The following FSTL4 variants were observed in gnomAD, a reference collection of about 807,000 sequenced individuals.
FSTL4 encodes the protein follistatin like 4.
In FSTL4, 28 loss-of-function variants were observed where a neutral mutation model predicts 78.2. The ratio of observed to expected loss-of-function variants is 0.36; its 90% CI spans 0.27 to 0.49. The LOEUF (loss-of-function observed/expected upper bound fraction) is 0.49. Ranked by LOEUF, FSTL4 falls within the 20% of genes least tolerant of loss-of-function variation. The pLI is 0.98. For missense variants in FSTL4, 922 were observed against 1,084.9 expected (o/e 0.85, Z 2.11); for synonymous variants, 422 against 440.5 (o/e 0.96, Z 0.53).
chr5:133,315,409 T>C (rs1005657247), intron 5 of FSTL4, among the ~76,000 whole-genome samples: 2 of 152,212 alleles, frequency 1.3e-5, no homozygotes, highest in Non-Finnish European at 1.5e-5. Flanking sequence ...TTATTAATCA[T>C]AGGTCAAGGG....
chr5:133,236,441 C>A lies in FSTL4; in HGVS notation c.895-2904G>T, dbSNP rs1240221336. Among the ~76,000 whole-genome samples the A allele has an allele frequency of 6.6e-6, 1 of 152,110 alleles. No individual in the cohort carries two copies. Among genetic ancestry groups the A allele is most frequent in the African/African-American group, 2.4e-5 (1 of 41,434 alleles). On this transcript the variant is annotated intron_variant, in intron 7 of 15. Coordinates refer to ENST00000265342, the MANE Select transcript of FSTL4 (RefSeq NM_015082.2). This position sits in a 1 kb window ranked among gnomAD's most constrained non-coding sequence, Gnocchi z 5.0. Reference sequence around the variant, plus strand: ...CAGGAAAAAAAAAACCCTGAAAACCCCAATCCAGAAAACAAAACAAAAGCC... The same window carrying A: ...CAGGAAAAAAAAAACCCTGAAAACCACAATCCAGAAAACAAAACAAAAGCC...
At chr5:133,704,791 G>GTT in the FSTL4 span, among the ~76,000 whole-genome samples, 3,717 of 152,326 alleles carry the variant, frequency 0.024, 154 homozygotes, top group African/African-American at 0.086. Flanking sequence ...TCTGCCAGCA[G>GTT]TAACCTCTGC....
At position 133,224,535 on chromosome 5, in the gene FSTL4, C is replaced by G. The variant is rs1751264009; in HGVS notation, c.1313-319G>C. On this transcript the variant is annotated intron_variant, in intron 10 of 15. Coordinates refer to ENST00000265342, the MANE Select transcript of FSTL4 (RefSeq NM_015082.2). ...GTAAGCAACATCTCTCCCAGATTTC[C>G]TGGACAACCAGCAGGAGAAGTGACT... is the stretch of plus-strand genomic sequence containing the variant. 3 of 251,028 alleles carry G rather than the reference C, an allele frequency of 1.2e-5. No homozygotes were observed. In the South Asian group the frequency reaches 3.5e-4, roughly 29 times the overall value. 15.6% of individuals were successfully genotyped at this position (251,028 alleles called of 1,614,324 possible). A position where few individuals can be genotyped will look rare whatever the true frequency, so the allele number is the denominator to read the frequency against.
the FSTL4 span, among the ~76,000 whole-genome samples, chr5:133,775,071 T>C: frequency 2.0e-5 from 3 of 152,212 alleles, no homozygotes; most frequent in African/African-American, 7.2e-5. Flanking sequence ...AGGAAACATA[T>C]ACCTTGCAGT....
At chr5:133,281,318 T>TA (rs1022850976) in intron 6 of FSTL4, among the ~76,000 whole-genome samples, 4 of 152,192 alleles carry the variant, frequency 2.6e-5, no homozygotes, top group African/African-American at 9.7e-5. Context: ...ACCCTTTTCC[T>TA]AGGAAAATAT....
the FSTL4 span, among the ~76,000 whole-genome samples, chr5:133,693,033 T>A: frequency 6.6e-6 from 1 of 152,244 alleles, no homozygotes; most frequent in Non-Finnish European, 1.5e-5. Flanking sequence ...CAACAGTGCC[T>A]GGCACAGAGT....
intron 3 of FSTL4, among the ~76,000 whole-genome samples, chr5:133,434,658 GT>G (rs1200492507): frequency 5.3e-5 from 8 of 152,096 alleles, no homozygotes; most frequent in Non-Finnish European, 1.2e-4. Context: ...TCAAAAGCAT[GT>G]TTAAAAAGAG....
chr5:133,320,511 AAAG>A (rs1359947164), intron 4 of FSTL4, among the ~76,000 whole-genome samples: 2 of 152,210 alleles, frequency 1.3e-5, no homozygotes, highest in Admixed American at 1.3e-4. Flanking sequence ...AAATAAAAAT[AAAG>A]AAAAAGAAAA....
chr5:133,457,648 C>T (rs1308573368), intron 3 of FSTL4, among the ~76,000 whole-genome samples: 2 of 152,254 alleles, frequency 1.3e-5, no homozygotes, highest in African/African-American at 4.8e-5. Flanking sequence ...TCAAACGCTT[C>T]TCAGCTGCCT....
At chr5:133,297,176 C>T (rs1024551658) in intron 6 of FSTL4, among the ~76,000 whole-genome samples, 3 of 152,228 alleles carry the variant, frequency 2.0e-5, no homozygotes, top group African/African-American at 7.2e-5. Context: ...TGGTATCCTA[C>T]GTGCAGGATC....
intron 3 of FSTL4, among the ~76,000 whole-genome samples, chr5:133,421,491 G>A (rs1000105011): frequency 4.7e-5 from 7 of 149,726 alleles, no homozygotes; most frequent in African/African-American, 1.5e-4. Context: ...CCCGACAGCT[G>A]AGCATATGGG....
chr5:133,771,171 T>C, the FSTL4 span, among the ~76,000 whole-genome samples: 1 of 152,148 alleles, frequency 6.6e-6, no homozygotes, highest in African/African-American at 2.4e-5. Context: ...CCTTCAGCTT[T>C]GTTCTTTTTG....
chr5:133,286,115 G>A (rs545900605), intron 6 of FSTL4, among the ~76,000 whole-genome samples: 123 of 152,198 alleles, frequency 8.1e-4, no homozygotes, highest in Non-Finnish European at 1.6e-3. Context: ...AAGCATCCCT[G>A]GGTGTGATGT....
At chr5:133,542,754 T>C (rs1759502330) in intron 3 of FSTL4, among the ~76,000 whole-genome samples, 1 of 152,180 alleles carries the variant, frequency 6.6e-6, no homozygotes, top group East Asian at 1.9e-4. Flanking sequence ...ATTATTGTTT[T>C]GATTTCTGCA....
At chr5:133,764,360 C>G in the FSTL4 span, among the ~76,000 whole-genome samples, 6 of 152,224 alleles carry the variant, frequency 3.9e-5, no homozygotes, top group African/African-American at 1.4e-4. Context: ...ATCACTCAGC[C>G]TACAAATACA....
At chr5:133,823,217 C>T in the FSTL4 span, among the ~76,000 whole-genome samples, 19 of 152,266 alleles carry the variant, frequency 1.2e-4, no homozygotes, top group African/African-American at 4.6e-4. Flanking sequence ...ATTCATAGGT[C>T]CCAATCAGCT....
intron 13 of FSTL4, among the ~76,000 whole-genome samples, chr5:133,213,203 A>T (rs913448763): frequency 6.6e-6 from 1 of 152,162 alleles, no homozygotes; most frequent in African/African-American, 2.4e-5. Flanking sequence ...GGGCTTCACC[A>T]TGTTGGTCAG....
At chr5:133,211,679 C>T (rs944360611) in intron 13 of FSTL4, among the ~76,000 whole-genome samples, 1 of 152,180 alleles carries the variant, frequency 6.6e-6, no homozygotes, top group African/African-American at 2.4e-5. Context: ...CAGTAAGATT[C>T]CACATGATTA....
At chr5:133,620,038 A>T in the FSTL4 span, among the ~76,000 whole-genome samples, 1 of 152,226 alleles carries the variant, frequency 6.6e-6, no homozygotes, top group African/African-American at 2.4e-5. Flanking sequence ...AATTAAATGA[A>T]ATAAAGCATC....
Sources: allele counts gnomAD v4.1 joint callset (sites outside exome capture counted in the v4.1 genomes callset), GRCh38; gene constraint gnomAD v4.1.1; non-coding constraint Gnocchi (gnomAD v3.1); transcripts MANE v1.5; gene names NCBI Gene and HGNC (gene_info 2026-07-23, HGNC 2026-07-21).